Variants in CDIN1 observed in about 807,000 individuals in gnomAD.
CDIN1 encodes CDAN1 interacting nuclease 1.
Under a neutral mutation model 45.3 loss-of-function variants are expected in CDIN1, and 33 were observed. The ratio of observed to expected loss-of-function variants is 0.73; its 90% CI spans 0.55 to 0.97. The LOEUF (loss-of-function observed/expected upper bound fraction) is 0.97, where lower values mean the gene tolerates loss of function less well. Among genes scored for constraint, CDIN1 ranks in the 50% least tolerant of loss-of-function variants. The pLI, the probability that CDIN1 is intolerant of heterozygous loss-of-function variation, is 0.00. For synonymous variants in CDIN1, 118 were observed against 124.4 expected, an observed-to-expected ratio of 0.95 and a Z score of 0.34; for missense variants, 303 against 339.4, an observed-to-expected ratio of 0.89 and a Z score of 0.84.
At chr15:36,649,694 A>G (rs2040495000) in intron 3 of CDIN1, among the ~76,000 whole-genome samples, 1 of 152,104 alleles carries the variant, frequency 6.6e-6, no homozygotes, top group South Asian at 2.1e-4. Context: ...CTTCCCTACA[A>G]ACTAGTAAAG....
At chr15:36,626,740 TG>T in intron 1 of CDIN1, 1 of 419,084 alleles carries the variant, frequency 2.4e-6, no homozygotes. Flanking sequence ...TCAGATTGAC[TG>T]GTGTTTTATA....
chr15:36,628,529 T>C (rs1297626888), intron 1 of CDIN1, among the ~76,000 whole-genome samples: 1 of 152,164 alleles, frequency 6.6e-6, no homozygotes, highest in Admixed American at 6.5e-5. Flanking sequence ...TAGAAGTGCC[T>C]CAGGATAGAT....
chr15:36,659,160 C>T (rs897512476), intron 5 of CDIN1, among the ~76,000 whole-genome samples: 1 of 152,092 alleles, frequency 6.6e-6, no homozygotes, highest in East Asian at 1.9e-4. Flanking sequence ...GGTAGACTGG[C>T]CTATATAGAG....
chr15:36,764,880 G>A (rs1284100751), intron 10 of CDIN1, among the ~76,000 whole-genome samples: 1 of 152,122 alleles, frequency 6.6e-6, no homozygotes, highest in African/African-American at 2.4e-5. Flanking sequence ...CGATAAGAAT[G>A]TGGGCCTGAT....
intron 10 of CDIN1, among the ~76,000 whole-genome samples, chr15:36,722,908 C>A (rs2043478366): frequency 6.6e-6 from 1 of 151,780 alleles, no homozygotes. Flanking sequence ...AATTAAATTT[C>A]TCCTATGAAT....
At chr15:36,765,139 T>C (rs1372732987) in intron 10 of CDIN1, among the ~76,000 whole-genome samples, 1 of 146,934 alleles carries the variant, frequency 6.8e-6, no homozygotes, top group African/African-American at 2.5e-5. Context: ...CACTGCAACC[T>C]CTGCTTCCTG....
chr15:36,698,417 CTAAAT>C (rs1403262799), intron 8 of CDIN1, among the ~76,000 whole-genome samples: 1 of 152,154 alleles, frequency 6.6e-6, no homozygotes, highest in Non-Finnish European at 1.5e-5. Flanking sequence ...TCTCAAGTCA[CTAAAT>C]TAAATTTCAG....
chr15:36,644,553 A>G (rs950300687), intron 2 of CDIN1, among the ~76,000 whole-genome samples: 2 of 151,848 alleles, frequency 1.3e-5, no homozygotes, highest in Non-Finnish European at 2.9e-5. Flanking sequence ...AATTATGCTA[A>G]ACCATTATTA....
chr15:36,641,249 C>T (rs1050753144), intron 1 of CDIN1: 1 of 152,208 alleles, frequency 6.6e-6, no homozygotes, highest in African/African-American at 2.4e-5. Flanking sequence ...TGTATAATTA[C>T]ACAGAATAAG....
chr15:36,670,250 T>C (rs2041401406), intron 5 of CDIN1, among the ~76,000 whole-genome samples: 1 of 152,134 alleles, frequency 6.6e-6, no homozygotes. Flanking sequence ...CTTGTCTGTG[T>C]TACCCATAAA....
intron 8 of CDIN1, among the ~76,000 whole-genome samples, chr15:36,698,990 C>T (rs545303256): frequency 5.3e-5 from 8 of 152,326 alleles, no homozygotes; most frequent in Non-Finnish European, 8.8e-5. Context: ...ATCATCTCTA[C>T]TTGCAAACAA....
intron 1 of CDIN1, among the ~76,000 whole-genome samples, chr15:36,643,499 G>A (rs1359830203): frequency 6.6e-6 from 1 of 152,216 alleles, no homozygotes; most frequent in African/African-American, 2.4e-5. Flanking sequence ...AGTTAGACGT[G>A]TCTGTAAAGG....
chr15:36,709,075 T>C, intron 8 of CDIN1, 148 bp from the exon 9 acceptor site: 1 of 502,956 alleles, frequency 2.0e-6, no homozygotes. Context: ...AGAAAGTTCA[T>C]TATTTCTGAC....
At chr15:36,651,454 C>T (rs754901192) in intron 3 of CDIN1, among the ~76,000 whole-genome samples, 1 of 152,160 alleles carries the variant, frequency 6.6e-6, no homozygotes, top group Non-Finnish European at 1.5e-5. Context: ...CCTTTGATTA[C>T]ATATCTGAAA....
intron 5 of CDIN1, among the ~76,000 whole-genome samples, chr15:36,687,680 T>C (rs1022819905): frequency 6.6e-6 from 1 of 151,928 alleles, no homozygotes; most frequent in Non-Finnish European, 1.5e-5. Context: ...TCCACAGTAG[T>C]AGTAGATGAT....
chr15:36,600,536 T>G (rs529145115), intron 1 of CDIN1, among the ~76,000 whole-genome samples: 1 of 152,338 alleles, frequency 6.6e-6, no homozygotes, highest in Non-Finnish European at 1.5e-5. Flanking sequence ...TCAAATAAAC[T>G]AGTGCTTCTC....
intron 10 of CDIN1, among the ~76,000 whole-genome samples, chr15:36,724,745 A>G (rs1315307099): frequency 6.6e-6 from 1 of 152,190 alleles, no homozygotes. Flanking sequence ...ATTATGACTC[A>G]TAGCAAATTA....
chr15:36,793,090 C>G (rs1027492790), intron 10 of CDIN1, among the ~76,000 whole-genome samples: 1 of 152,158 alleles, frequency 6.6e-6, no homozygotes, highest in Non-Finnish European at 1.5e-5. Context: ...AGAGACACCT[C>G]CCCTCTGCTC....
chr15:36,715,578 A>G (rs1365034221), intron 10 of CDIN1, among the ~76,000 whole-genome samples: 1 of 142,760 alleles, frequency 7.0e-6, no homozygotes, highest in Admixed American at 6.7e-5. Flanking sequence ...TTAGCAATAG[A>G]AGCTCTTGCA....
Sources: allele counts gnomAD v4.1 joint callset (sites outside exome capture counted in the v4.1 genomes callset), GRCh38; gene constraint gnomAD v4.1.1; transcripts MANE v1.5; gene names NCBI Gene and HGNC (gene_info 2026-07-23, HGNC 2026-07-21).